AGMO: variants seen among roughly 807,000 people sequenced by gnomAD.
AGMO encodes alkylglycerol monooxygenase, also known as glyceryl-ether monooxygenase.
In AGMO, 75 loss-of-function variants were observed where a neutral mutation model predicts 60.2. The ratio of observed to expected loss-of-function variants is 1.25; its 90% CI spans 1.03 to 1.51. The LOEUF (loss-of-function observed/expected upper bound fraction) is 1.51, where lower values mean the gene tolerates loss of function less well. Among genes scored for constraint, AGMO ranks in the 40% most tolerant of loss-of-function variants. The pLI, the probability that AGMO is intolerant of heterozygous loss-of-function variation, is 0.00. For synonymous variants in AGMO, 261 were observed against 177.1 expected, an observed-to-expected ratio of 1.47 and a Z score of -3.76; for missense variants, 763 against 525.5, an observed-to-expected ratio of 1.45 and a Z score of -4.42.
chr7:15,215,884 G>A (rs1276386945), intron 12 of AGMO, among the ~76,000 whole-genome samples: 8 of 152,096 alleles, frequency 5.3e-5, no homozygotes, highest in Middle Eastern at 3.4e-3. Context: ...AGGTGCATGC[G>A]AATGTATAAT....
At chr7:15,395,691 C>T (rs1384804789) in intron 5 of AGMO, among the ~76,000 whole-genome samples, 3 of 152,080 alleles carry the variant, frequency 2.0e-5, no homozygotes, top group Admixed American at 1.3e-4. Flanking sequence ...TATTGTTATT[C>T]TAATTTTATG....
the AGMO span, among the ~76,000 whole-genome samples, chr7:15,133,941 T>C: frequency 2.0e-5 from 3 of 152,178 alleles, no homozygotes; most frequent in Non-Finnish European, 2.9e-5. Context: ...TTTCTGACAA[T>C]TGTTCCAGTT....
intron 12 of AGMO, among the ~76,000 whole-genome samples, chr7:15,246,806 C>T (rs992442154): frequency 2.0e-5 from 3 of 152,118 alleles, no homozygotes; most frequent in Non-Finnish European, 4.4e-5. Context: ...TTCCTCTTCT[C>T]CTCTTGAAAG....
chr7:15,532,134 A>T (rs1448466881), intron 3 of AGMO, among the ~76,000 whole-genome samples: 1 of 152,168 alleles, frequency 6.6e-6, no homozygotes, highest in Non-Finnish European at 1.5e-5. Flanking sequence ...AGTGTAGGTT[A>T]ATGCTTCAGT....
intron 3 of AGMO, among the ~76,000 whole-genome samples, chr7:15,479,098 T>TGCATAGACAGTG (rs1164984191): frequency 1.3e-5 from 2 of 152,194 alleles, no homozygotes; most frequent in Non-Finnish European, 2.9e-5. Flanking sequence ...TATAAATATC[T>TGCATAGACAGTG]GCATAGACAG....
At chr7:15,501,412 C>G (rs1361129311) in intron 3 of AGMO, among the ~76,000 whole-genome samples, 1 of 151,658 alleles carries the variant, frequency 6.6e-6, no homozygotes, top group African/African-American at 2.4e-5. Flanking sequence ...AATTTTGAAA[C>G]TGATAATGAG....
At chr7:15,524,991 C>T (rs1784086472) in intron 3 of AGMO, among the ~76,000 whole-genome samples, 1 of 151,796 alleles carries the variant, frequency 6.6e-6, no homozygotes, top group South Asian at 2.1e-4. Flanking sequence ...AAATCCTAAC[C>T]CCCACTGACT....
At chr7:15,406,824 G>T (rs552699381) in intron 5 of AGMO, among the ~76,000 whole-genome samples, 241 of 100,444 alleles carry the variant, frequency 2.4e-3, no homozygotes, top group African/African-American at 9.2e-3. Context: ...ATATACCCAC[G>T]TATACACATA....
intron 3 of AGMO, among the ~76,000 whole-genome samples, chr7:15,452,614 A>AT (rs1450577889): frequency 3.3e-5 from 5 of 152,224 alleles, no homozygotes; most frequent in Non-Finnish European, 5.9e-5. Flanking sequence ...GAGAAGTTAG[A>AT]ACACTGAAAC....
At chr7:15,240,490 C>A (rs964648993) in intron 12 of AGMO, among the ~76,000 whole-genome samples, 2 of 152,106 alleles carry the variant, frequency 1.3e-5, no homozygotes, top group Non-Finnish European at 2.9e-5. Flanking sequence ...CTTTCATACA[C>A]GTAGGCTGCC....
intron 12 of AGMO, among the ~76,000 whole-genome samples, chr7:15,203,958 T>C (rs1335659710): frequency 6.6e-6 from 1 of 152,164 alleles, no homozygotes; most frequent in East Asian, 1.9e-4. Flanking sequence ...CTGAGACCTT[T>C]TCACTATCAA....
intron 3 of AGMO, among the ~76,000 whole-genome samples, chr7:15,437,850 A>T (rs1176286892): frequency 6.6e-6 from 1 of 152,102 alleles, no homozygotes; most frequent in African/African-American, 2.4e-5. Flanking sequence ...GTTTGGCCAC[A>T]TGTAGACATT....
At chr7:15,269,456 T>C (rs1583346664) in intron 12 of AGMO, among the ~76,000 whole-genome samples, 1 of 151,820 alleles carries the variant, frequency 6.6e-6, no homozygotes, top group African/African-American at 2.4e-5. Flanking sequence ...GGAATGAGGA[T>C]ACCAAACTCA....
the AGMO span, among the ~76,000 whole-genome samples, chr7:15,168,565 C>T: frequency 1.3e-5 from 2 of 152,166 alleles, no homozygotes; most frequent in Non-Finnish European, 1.5e-5. Context: ...TGTGTATCAT[C>T]CCTACCACTT....
At chr7:15,245,987 C>T (rs532493409) in intron 12 of AGMO, among the ~76,000 whole-genome samples, 32 of 152,078 alleles carry the variant, frequency 2.1e-4, no homozygotes, top group South Asian at 2.1e-3. Context: ...CTGTCCAGTA[C>T]GATTAAGAGA....
chr7:15,220,003 C>T (rs1781868335), intron 12 of AGMO, among the ~76,000 whole-genome samples: 1 of 152,024 alleles, frequency 6.6e-6, no homozygotes, highest in Non-Finnish European at 1.5e-5. Flanking sequence ...TTCTTCAATC[C>T]CACTTCTTAA....
At chr7:15,470,373 T>C (rs1782419394) in intron 3 of AGMO, among the ~76,000 whole-genome samples, 1 of 152,052 alleles carries the variant, frequency 6.6e-6, no homozygotes, top group Non-Finnish European at 1.5e-5. Flanking sequence ...ATAGTCATGT[T>C]GTAGATTTAT....
At chr7:15,475,581 A>T (rs1782572663) in intron 3 of AGMO, among the ~76,000 whole-genome samples, 1 of 152,018 alleles carries the variant, frequency 6.6e-6, no homozygotes, top group Non-Finnish European at 1.5e-5. Context: ...AGAAATACCT[A>T]ATGTAGATGA....
chr7:15,150,509 A>G, the AGMO span, among the ~76,000 whole-genome samples: 1 of 152,122 alleles, frequency 6.6e-6, no homozygotes, highest in Non-Finnish European at 1.5e-5. Flanking sequence ...GGTTTTTAAC[A>G]TAAAAGGATG....
Sources: gnomAD v4.1 joint callset for allele counts (sites outside exome capture counted in the v4.1 genomes callset) on GRCh38, gnomAD v4.1.1 for gene constraint, MANE v1.5 for transcripts, NCBI Gene and HGNC (gene_info 2026-07-23, HGNC 2026-07-21) for gene names.